PIGN: variants seen among roughly 807,000 people sequenced by gnomAD.
The protein encoded by PIGN is GPI ethanolamine phosphate transferase 1.
Under a neutral mutation model 125.4 loss-of-function variants are expected in PIGN, and 117 were observed. That is an observed-to-expected ratio of 0.93 (90% CI 0.80 to 1.09). The LOEUF (loss-of-function observed/expected upper bound fraction) is 1.09, where lower values mean the gene tolerates loss of function less well. PIGN is among the 50% of genes least tolerant of loss of function. PIGN has a pLI of 0.00. For synonymous variants in PIGN, 392 were observed against 377.8 expected, an observed-to-expected ratio of 1.04 and a Z score of -0.44; for missense variants, 1,075 against 1,094.9, an observed-to-expected ratio of 0.98 and a Z score of 0.26.
At position 62,147,032 on chromosome 18, in the gene PIGN, G is replaced by C. The variant is rs199643144; in HGVS notation, c.744C>G (p.Phe248Leu). ...VKEIVSMFNH[F>L]YGNDGKTTFI... Reference sequence around the variant, plus strand: ...ATGTTGTTTTCCCATCATTTCCATAGAAGTGGTTAAACATAGACACGATTT... The same window carrying C: ...ATGTTGTTTTCCCATCATTTCCATACAAGTGGTTAAACATAGACACGATTT... The change falls in exon 9 of 31, where the codon TTC becomes TTG. Residue 248 changes from phenylalanine to leucine, a missense_variant. This residue lies in a region of PIGN where 915 missense variants were observed against 908.7 expected (regional missense o/e 1.01). Coordinates refer to ENST00000640252, the MANE Select transcript of PIGN (RefSeq NM_176787.5). 9 of 1,611,662 alleles carry C rather than the reference G, an allele frequency of 5.6e-6. No individual in the cohort carries two copies. Among genetic ancestry groups the C allele is most frequent in the Non-Finnish European group, 8.5e-7 (1 of 1,178,390 alleles).
chr18:62,119,493 C>T (rs776240727), intron 14 of PIGN, among the ~76,000 whole-genome samples: 2 of 152,124 alleles, frequency 1.3e-5, no homozygotes, highest in East Asian at 1.9e-4. Flanking sequence ...TCAATAACAG[C>T]AATCTAGACA....
intron 23 of PIGN, among the ~76,000 whole-genome samples, chr18:62,018,221 A>G (rs1389690066): frequency 1.3e-5 from 2 of 152,172 alleles, no homozygotes; most frequent in Non-Finnish European, 2.9e-5. Flanking sequence ...TCACAAAAGA[A>G]TCTGTGAGGA....
rs1049809338 is a variant in PIGN at position 62,056,410 on chromosome 18, T to C, written c.2673-10431A>G. ...GTTCTCATCAGTGTCTCAATCCTGATTGCACACTTCTGAGTTATTCTTCTC... is the reference window on the plus strand; with the variant it reads ...GTTCTCATCAGTGTCTCAATCCTGACTGCACACTTCTGAGTTATTCTTCTC... On this transcript the variant is annotated intron_variant, in intron 30 of 30. Transcript: ENST00000640252. Among the ~76,000 whole-genome samples, 7 of 152,104 alleles carry C rather than the reference T, an allele frequency of 4.6e-5. No homozygotes were observed. In the South Asian group the frequency reaches 1.0e-3, roughly 23 times the overall value.
chr18:62,155,335 G>A (rs1165893006), intron 6 of PIGN, among the ~76,000 whole-genome samples: 1 of 152,180 alleles, frequency 6.6e-6, no homozygotes, highest in Non-Finnish European at 1.5e-5. Flanking sequence ...GGGAGGCCGA[G>A]GCAGGTGGAT....
intron 10 of PIGN, among the ~76,000 whole-genome samples, chr18:62,144,436 T>C (rs2036246026): frequency 6.6e-6 from 1 of 152,198 alleles, no homozygotes. Context: ...TACCTCTTGT[T>C]TACCTCTCCA....
rs184443274 is a variant in PIGN at position 62,175,249 on chromosome 18, T to C, written c.-235-11593A>G. Among the ~76,000 whole-genome samples, 314 of 151,754 alleles carry C rather than the reference T, an allele frequency of 2.1e-3. 1 individual carries two copies. The highest frequency in any genetic ancestry group is 7.2e-3 in the African/African-American group (300 of 41,444). On this transcript the variant is annotated intron_variant, in intron 1 of 30. Coordinates refer to ENST00000640252, the MANE Select transcript of PIGN (RefSeq NM_176787.5). ...TTCAACAACTTCCAAATGGTTTCCC[T>C]ACCAAACTGCAGAAAACTACACAAT...
chr18:62,050,418 C>G (rs572930019), intron 30 of PIGN, among the ~76,000 whole-genome samples: 1 of 152,166 alleles, frequency 6.6e-6, no homozygotes, highest in Admixed American at 6.5e-5. Flanking sequence ...TCCTTCATGT[C>G]CCATGTAAGT....
chr18:62,143,284 G>A, intron 11 of PIGN, 22 bp downstream of exon 11: 1 of 1,297,864 alleles, frequency 7.7e-7, no homozygotes. Flanking sequence ...AAATTTGAAT[G>A]TAATAAAATC....
intron 14 of PIGN, among the ~76,000 whole-genome samples, chr18:62,130,665 G>T (rs2035700086): frequency 1.3e-5 from 2 of 152,032 alleles, no homozygotes; most frequent in South Asian, 2.1e-4. Flanking sequence ...GGATTACCAA[G>T]AATTTTATCA....
chr18:62,101,548 GT>G (rs2034439062), intron 21 of PIGN, among the ~76,000 whole-genome samples: 1 of 152,168 alleles, frequency 6.6e-6, no homozygotes. Flanking sequence ...GCCAGTCAGA[GT>G]ACCATTTAAA....
intron 28 of PIGN, among the ~76,000 whole-genome samples, chr18:62,079,816 T>C (rs1294111663): frequency 2.0e-5 from 3 of 151,898 alleles, no homozygotes; most frequent in Non-Finnish European, 4.4e-5. Context: ...ATAATTTTAA[T>C]AAATTAAAAA....
chr18:62,156,705 C>T (rs1467892987), intron 6 of PIGN, among the ~76,000 whole-genome samples: 2 of 152,180 alleles, frequency 1.3e-5, no homozygotes, highest in Middle Eastern at 3.2e-3. Context: ...CACACCTCAA[C>T]ATCATCATTT....
At chr18:62,158,688 A>G (rs982347407) in intron 4 of PIGN, among the ~76,000 whole-genome samples, 7 of 152,236 alleles carry the variant, frequency 4.6e-5, no homozygotes, top group Non-Finnish European at 1.0e-4. Context: ...CATTCTAAAG[A>G]AAAATATTTA....
At chr18:62,069,006 C>G (rs1414216625) in intron 30 of PIGN, among the ~76,000 whole-genome samples, 1 of 152,202 alleles carries the variant, frequency 6.6e-6, no homozygotes, top group Non-Finnish European at 1.5e-5. Context: ...GGATCTGCTT[C>G]CTCCTCCAGC....
chr18:62,074,671 A>C (rs1014131623), intron 29 of PIGN, 108 bp downstream of exon 29: 1 of 662,066 alleles, frequency 1.5e-6, no homozygotes, highest in African/African-American at 1.8e-5. Context: ...AGCACTTACA[A>C]CTCAACATCT....
chr18:62,185,321 GTTTTAC>G, intron 1 of PIGN, among the ~76,000 whole-genome samples: 1 of 152,122 alleles, frequency 6.6e-6, no homozygotes, highest in Non-Finnish European at 1.5e-5. Context: ...TTTTCCCCAT[GTTTTAC>G]TTTTAATATA....
At chr18:62,159,102 G>A (rs1291721421) in intron 4 of PIGN, among the ~76,000 whole-genome samples, 1 of 152,116 alleles carries the variant, frequency 6.6e-6, no homozygotes, top group East Asian at 1.9e-4. Flanking sequence ...AAATTAGCCG[G>A]GCGTGGTGGC....
intron 14 of PIGN, among the ~76,000 whole-genome samples, chr18:62,134,616 C>T (rs2035860311): frequency 6.6e-6 from 1 of 152,138 alleles, no homozygotes; most frequent in Admixed American, 6.6e-5. Context: ...CCTGCTTTGT[C>T]CAAGGATTGA....
At chr18:62,172,386 A>T (rs2037372431) in intron 1 of PIGN, among the ~76,000 whole-genome samples, 1 of 152,124 alleles carries the variant, frequency 6.6e-6, no homozygotes. Flanking sequence ...TAGATCTTAA[A>T]TTCTATCCAG....
Sources: gnomAD v4.1 joint callset for allele counts (sites outside exome capture counted in the v4.1 genomes callset) on GRCh38, gnomAD v4.1.1 for gene constraint, gnomAD v4.1.1 regional missense constraint, MANE v1.5 for transcripts, NCBI Gene and HGNC (gene_info 2026-07-23, HGNC 2026-07-21) for gene names.